The following NR6A1 variants were observed in gnomAD, a reference collection of about 807,000 sequenced individuals.
NR6A1 encodes the protein nuclear receptor subfamily 6 group A member 1, also known as retinoic acid receptor-related testis-associated receptor.
In NR6A1, 7 loss-of-function variants were observed where a neutral mutation model predicts 59.1. That is an observed-to-expected ratio of 0.12 (90% CI 0.07 to 0.22). The LOEUF (loss-of-function observed/expected upper bound fraction) is 0.22, where lower values mean the gene tolerates loss of function less well. Among genes scored for constraint, NR6A1 ranks in the 10% least tolerant of loss-of-function variants. The pLI, the probability that NR6A1 is intolerant of heterozygous loss-of-function variation, is 1.00. For synonymous variants in NR6A1, 243 were observed against 236.1 expected (o/e 1.03, Z -0.27); for missense variants, 468 against 611.6 (o/e 0.77, Z 2.48).
In NR6A1 at chr9:124,738,590, C is replaced by G. The variant is rs1299536854; in HGVS notation, c.101-5241G>C. ...CGTACTGAAAAAAGGACACGGGGGC[C>G]GGGCACAATCGCTCACGCCTGTAAT... On this transcript the variant is annotated intron_variant, in intron 1 of 9. Coordinates refer to ENST00000487099, the MANE Select transcript of NR6A1 (RefSeq NM_033334.4). Among the ~76,000 whole-genome samples the G allele has an allele frequency of 7.9e-5, 12 of 152,002 alleles. No homozygotes were observed. In the South Asian group the frequency reaches 2.5e-3, roughly 31 times the overall value.
chr9:124,640,535 G>A (rs1836740916), intron 2 of NR6A1, among the ~76,000 whole-genome samples: 1 of 151,976 alleles, frequency 6.6e-6, no homozygotes, highest in Non-Finnish European at 1.5e-5. Context: ...AAGTGGCTAG[G>A]GCTACAGGAG....
chr9:124,712,023 A>G (rs1031180986), intron 2 of NR6A1, among the ~76,000 whole-genome samples: 1 of 152,216 alleles, frequency 6.6e-6, no homozygotes, highest in African/African-American at 2.4e-5. Context: ...GAGTTTTGCA[A>G]GCACAGGTTT....
At position 124,705,163 on chromosome 9, in the gene NR6A1, A is replaced by G. The variant is rs556710055; in HGVS notation, c.142+28145T>C. On this transcript the variant is annotated intron_variant, in intron 2 of 9. Coordinates refer to ENST00000487099, the MANE Select transcript of NR6A1 (RefSeq NM_033334.4). ...TGAATCTCTAATTTAACTCCCTTGT[A>G]TATTTTGCATAAAGTGTTCAATAAA... 6.0e-4 allele frequency among the ~76,000 whole-genome samples: 91 copies of G among 152,358 alleles called. 1 individual carries two copies. The South Asian group carries it at 0.018, about 30-fold the overall frequency.
At chr9:124,705,607 T>C (rs1839102799) in intron 2 of NR6A1, among the ~76,000 whole-genome samples, 1 of 152,226 alleles carries the variant, frequency 6.6e-6, no homozygotes, top group Non-Finnish European at 1.5e-5. Flanking sequence ...TTTGCCTTTT[T>C]ATTCAGGCTA....
intron 3 of NR6A1, among the ~76,000 whole-genome samples, chr9:124,550,197 T>C (rs1331740615): frequency 2.0e-5 from 3 of 152,168 alleles, no homozygotes; most frequent in Non-Finnish European, 2.9e-5. Context: ...CTTGATCACT[T>C]GGCTAAAGTT....
At chr9:124,535,728 G>C (rs1435860483) in intron 7 of NR6A1, 150 bp downstream of exon 7, 1 of 989,256 alleles carries the variant, frequency 1.0e-6, no homozygotes. Flanking sequence ...ACTTGGCCAA[G>C]GTCACAAATC....
rs187043630 is a variant in NR6A1 at position 124,695,937 on chromosome 9, A to G, written c.142+37371T>C. On this transcript the variant is annotated intron_variant, in intron 2 of 9. Transcript: ENST00000487099. ...TATATATTTCATTAAACCAAATCCA[A>G]GTTTTCTCTTGGATAAAACTAAGTA... Among the ~76,000 whole-genome samples, 18 of 152,316 alleles carry G rather than the reference A, an allele frequency of 1.2e-4. No homozygotes were observed. The East Asian group carries it at 2.7e-3, about 23-fold the overall frequency.
intron 1 of NR6A1, among the ~76,000 whole-genome samples, chr9:124,745,987 CA>C (rs755252377): frequency 0.096 from 5,596 of 58,446 alleles, 183 homozygotes; most frequent in African/African-American, 0.25. Context: ...GACTCTGTCT[CA>C]AAAAAAAAAA....
intron 2 of NR6A1, among the ~76,000 whole-genome samples, chr9:124,640,784 A>C (rs1199423324): frequency 6.6e-6 from 1 of 151,920 alleles, no homozygotes; most frequent in African/African-American, 2.4e-5. Flanking sequence ...CACCACACCC[A>C]GCTAATTTTT....
At chr9:124,563,085 C>A (rs1052307998) in intron 2 of NR6A1, among the ~76,000 whole-genome samples, 3 of 152,174 alleles carry the variant, frequency 2.0e-5, no homozygotes, top group African/African-American at 7.2e-5. Flanking sequence ...ACAGTAAAAT[C>A]TGGCACAATG....
rs1832734390 is a variant in NR6A1 at position 124,518,543 on chromosome 9, CA to C, written c.*4161del. The C allele has an allele frequency of 6.6e-6, 1 of 152,090 alleles. No homozygotes were observed. The highest frequency in any genetic ancestry group is 2.1e-4 in the South Asian group (1 of 4,824). The allele number at this position is 152,090 out of a possible 1,614,324, so 9.4% of individuals were successfully genotyped here. A position where few individuals can be genotyped will look rare whatever the true frequency, so the allele number is the denominator to read the frequency against. On this transcript the variant is annotated 3_prime_UTR_variant, in exon 10 of 10. Transcript: ENST00000487099. ...TGTCTCCAGGCTAACCAGTTTCCAACACTTGGTGGAATGACTGCCGTTTCTC... is the reference window on the plus strand; with the variant it reads ...TGTCTCCAGGCTAACCAGTTTCCAACCTTGGTGGAATGACTGCCGTTTCTC...
chr9:124,767,617 A>C (rs953576401), intron 1 of NR6A1, among the ~76,000 whole-genome samples: 2 of 152,200 alleles, frequency 1.3e-5, no homozygotes, highest in Non-Finnish European at 2.9e-5. Context: ...GTAGGAAAAA[A>C]TTCTGGGGCA....
chr9:124,647,558 T>C (rs1836966484), intron 2 of NR6A1, among the ~76,000 whole-genome samples: 1 of 151,752 alleles, frequency 6.6e-6, no homozygotes, highest in Non-Finnish European at 1.5e-5. Context: ...TGAAACCCCA[T>C]CTGTACTAAA....
Position 124,715,246 on chromosome 9 carries a change from G to A in NR6A1, c.142+18062C>T, listed in dbSNP as rs146891382. Among the ~76,000 whole-genome samples the A allele has an allele frequency of 2.4e-3, 372 of 152,032 alleles. 1 individual carries two copies. Among genetic ancestry groups the A allele is most frequent in the African/African-American group, 8.7e-3 (360 of 41,482 alleles). On this transcript the variant is annotated intron_variant, in intron 2 of 9. Coordinates refer to ENST00000487099, the MANE Select transcript of NR6A1 (RefSeq NM_033334.4). ...ACTCAAGACTCAATATTATTGACTG[G>A]GTATGGTGGCTCACACCTGTAAACT...
chr9:124,631,763 C>T lies in NR6A1; in HGVS notation c.143-77193G>A, dbSNP rs141423092. ...TTTGTTGTACAGATCATTTCATCAC[C>T]CAGGTATTAAGCCTAGTATCCATTA... is the stretch of plus-strand genomic sequence containing the variant. On this transcript the variant is annotated intron_variant, in intron 2 of 9. Coordinates refer to ENST00000487099, the MANE Select transcript of NR6A1 (RefSeq NM_033334.4). Among the ~76,000 whole-genome samples, 1,007 of 152,248 alleles carry T rather than the reference C, an allele frequency of 6.6e-3. 5 individuals carry two copies. The highest frequency in any genetic ancestry group is 0.011 in the Non-Finnish European group (757 of 68,032).
chr9:124,528,119 T>A (rs1441669150), intron 7 of NR6A1, among the ~76,000 whole-genome samples: 1 of 152,220 alleles, frequency 6.6e-6, no homozygotes, highest in Non-Finnish European at 1.5e-5. Flanking sequence ...CCAGAACACC[T>A]GGGGATGAAC....
chr9:124,588,094 G>T (rs962534906), intron 2 of NR6A1, among the ~76,000 whole-genome samples: 2 of 152,166 alleles, frequency 1.3e-5, no homozygotes, highest in Non-Finnish European at 2.9e-5. Flanking sequence ...AATGGTTAGT[G>T]AAACTAACTA....
Position 124,536,104 on chromosome 9 carries a change from C to T in NR6A1, c.853G>A (p.Ala285Thr), listed in dbSNP as rs753611937. 1 of 1,613,922 alleles carries T rather than the reference C, an allele frequency of 6.2e-7. No individual in the cohort carries two copies. The highest frequency in any genetic ancestry group is 1.1e-5 in the South Asian group (1 of 91,054). ...TCGTCGGCCAGGCGGCAAAGCAGGG[C>T]AAATAGTTCTGCCTGTGTCACAGCG... ...GYAVTQAELF[A>T]LLCRLADELL... Residue 285 changes from alanine (A) to threonine (T), a missense_variant, in exon 7 of 10, where the codon GCC (alanine) becomes ACC (threonine). Around this residue, in one of 4 missense-constraint regions of NR6A1, gnomAD observed 176 missense variants for 264.0 expected, o/e 0.67. Transcript: ENST00000487099.
In NR6A1 at chr9:124,690,171, G is replaced by A. The variant is rs760876188; in HGVS notation, c.142+43137C>T. Among the ~76,000 whole-genome samples, 61 of 152,128 alleles carry A rather than the reference G, an allele frequency of 4.0e-4. 1 individual carries two copies. The highest frequency in any genetic ancestry group is 2.0e-4 in the Admixed American group (3 of 15,272). On this transcript the variant is annotated intron_variant, in intron 2 of 9. Coordinates refer to ENST00000487099, the MANE Select transcript of NR6A1 (RefSeq NM_033334.4). ...GTGCTTGGGAAACACCTAGGCAGAC[G>A]GCACCTGAGACGATGACTCCTCTTC...
Sources: gnomAD v4.1 joint callset for allele counts (sites outside exome capture counted in the v4.1 genomes callset) on GRCh38, gnomAD v4.1.1 for gene constraint, gnomAD v4.1.1 regional missense constraint, MANE v1.5 for transcripts, NCBI Gene and HGNC (gene_info 2026-07-23, HGNC 2026-07-21) for gene names.